BCL9: variants seen among roughly 807,000 people sequenced by gnomAD.
BCL9 encodes B-cell CLL/lymphoma 9 protein.
In BCL9, 25 loss-of-function variants were observed where a neutral mutation model predicts 88.5. The ratio of observed to expected loss-of-function variants is 0.28; its 90% CI spans 0.21 to 0.39. BCL9 has a LOEUF of 0.39. Among genes scored for constraint, BCL9 ranks in the 10% least tolerant of loss-of-function variants. The probability of loss-of-function intolerance (pLI) is 1.00; values close to 1 mark genes in which losing one functional copy is unlikely to be tolerated. For synonymous variants in BCL9, 711 were observed against 673.3 expected, an observed-to-expected ratio of 1.06 and a Z score of -0.87; for missense variants, 1,817 against 1,877.8, an observed-to-expected ratio of 0.97 and a Z score of 0.60.
At chr1:147,574,973 T>C (rs1553197910) in intron 1 of BCL9, among the ~76,000 whole-genome samples, 1 of 152,214 alleles carries the variant, frequency 6.6e-6, no homozygotes, top group Non-Finnish European at 1.5e-5. Flanking sequence ...AAGTATATGG[T>C]TGAGGGGCCA....
chr1:147,588,530 G>A (rs587644605), intron 1 of BCL9, among the ~76,000 whole-genome samples: 1 of 152,268 alleles, frequency 6.6e-6, no homozygotes, highest in African/African-American at 2.4e-5. Flanking sequence ...TCAGACTATG[G>A]GAGAAAGAGA....
chr1:147,557,072 C>T (rs1655149119), intron 1 of BCL9, among the ~76,000 whole-genome samples: 1 of 152,158 alleles, frequency 6.6e-6, no homozygotes, highest in Non-Finnish European at 1.5e-5. Context: ...GAGACAGAGA[C>T]AGATCTAGCA....
At chr1:147,570,818 A>T (rs1655853500) in intron 1 of BCL9, among the ~76,000 whole-genome samples, 1 of 151,754 alleles carries the variant, frequency 6.6e-6, no homozygotes, top group South Asian at 2.1e-4. Flanking sequence ...TATTTTCAGT[A>T]GAGATGGGGT....
intron 1 of BCL9, among the ~76,000 whole-genome samples, chr1:147,549,189 C>T (rs1262582810): frequency 1.3e-5 from 2 of 152,008 alleles, no homozygotes; most frequent in African/African-American, 4.8e-5. Context: ...GTTGGCCAGG[C>T]TGGTCTTGAA....
chr1:147,612,278 A>G (rs782074607), intron 4 of BCL9, among the ~76,000 whole-genome samples: 4 of 152,184 alleles, frequency 2.6e-5, no homozygotes, highest in Non-Finnish European at 5.9e-5. Flanking sequence ...CCACTGTGAC[A>G]CTTTTTCCTC....
intron 1 of BCL9, among the ~76,000 whole-genome samples, chr1:147,591,920 C>T (rs984292850): frequency 4.6e-5 from 7 of 152,186 alleles, no homozygotes; most frequent in Non-Finnish European, 7.3e-5. Flanking sequence ...GTAGTTGTTT[C>T]CTCAACTGGA....
intron 1 of BCL9, among the ~76,000 whole-genome samples, chr1:147,561,955 G>A (rs1655395548): frequency 6.6e-6 from 1 of 152,210 alleles, no homozygotes; most frequent in Non-Finnish European, 1.5e-5. Flanking sequence ...CATGTTCTGA[G>A]AAGAGGAAGT....
chr1:147,611,685 G>A lies in BCL9; in HGVS notation c.-152G>A, dbSNP rs1658009866. On this transcript the variant is annotated 5_prime_UTR_variant, in exon 4 of 10. Coordinates refer to ENST00000234739, the MANE Select transcript of BCL9 (RefSeq NM_004326.4). Reference sequence around the variant, plus strand: ...CACTTCCACAGCAGAGAAAAACAAAGAGGAAAAAGGCATACAGGCAGCGAG... The same window carrying A: ...CACTTCCACAGCAGAGAAAAACAAAAAGGAAAAAGGCATACAGGCAGCGAG... 1.5e-6 allele frequency: 1 copy of A among 661,698 alleles called. No homozygotes were observed. Among genetic ancestry groups the A allele is most frequent in the Non-Finnish European group, 2.7e-6 (1 of 373,362 alleles). 41.0% of individuals were successfully genotyped at this position (661,698 alleles called of 1,614,324 possible). A position where few individuals can be genotyped will look rare whatever the true frequency, so the allele number is the denominator to read the frequency against.
intron 3 of BCL9, among the ~76,000 whole-genome samples, chr1:147,609,516 C>T (rs1019030794): frequency 2.6e-5 from 4 of 152,222 alleles, no homozygotes; most frequent in Non-Finnish European, 4.4e-5. Flanking sequence ...GCCATTCACA[C>T]CCCATGTGCT....
At chr1:147,565,586 T>C (rs1202949113) in intron 1 of BCL9, among the ~76,000 whole-genome samples, 1 of 152,218 alleles carries the variant, frequency 6.6e-6, no homozygotes, top group Non-Finnish European at 1.5e-5. Flanking sequence ...CCTAGAAGGC[T>C]GGCTGCTTTG....
chr1:147,615,688 T>C, intron 6 of BCL9, 115 bp from the exon 7 acceptor site: 1 of 652,392 alleles, frequency 1.5e-6, no homozygotes, highest in Non-Finnish European at 2.6e-6. Context: ...TTCTGGTGGT[T>C]CTTTCTATTC....
intron 1 of BCL9, among the ~76,000 whole-genome samples, chr1:147,547,168 G>A (rs1412205967): frequency 3.9e-5 from 6 of 152,056 alleles, no homozygotes; most frequent in Non-Finnish European, 7.4e-5. Flanking sequence ...AAGACTTGCT[G>A]ATATGTTACG....
chr1:147,601,735 C>T (rs587611580), intron 1 of BCL9, among the ~76,000 whole-genome samples: 1 of 152,278 alleles, frequency 6.6e-6, no homozygotes, highest in Admixed American at 6.5e-5. Context: ...GAAAGACATC[C>T]TTATTCACTA....
At position 147,613,000 on chromosome 1, in the gene BCL9, C is replaced by G; in HGVS notation, c.171C>G (p.Ser57Arg). ...AGGGTAAACAGGGGGGCTCAGCCAG[C>G]CAATCCCAGCCATCCCCCTGTGACT... ...SNQGKQGGSA[S>R]QSQPSPCDSK... The change falls in exon 5 of 10, where the codon AGC becomes AGG. Residue 57 changes from serine (S) to arginine (R), a missense_variant. Transcript: ENST00000234739. 1 of 1,604,066 alleles carries G rather than the reference C, an allele frequency of 6.2e-7. No individual in the cohort carries two copies. Among genetic ancestry groups the G allele is most frequent in the Non-Finnish European group, 8.5e-7 (1 of 1,175,370 alleles).
intron 1 of BCL9, among the ~76,000 whole-genome samples, chr1:147,573,337 C>T (rs1655967280): frequency 6.6e-6 from 1 of 152,130 alleles, no homozygotes; most frequent in African/African-American, 2.4e-5. Flanking sequence ...CCTGTAATCC[C>T]AGCTACTCGG....
In BCL9 at chr1:147,620,607, C is replaced by A. The variant is rs1452840567; in HGVS notation, c.2452C>A (p.Pro818Thr). The part of the protein sequence containing the change: ...QRTNSRLSHM[P>T]PLPLNPSSNP... Reference sequence around the variant, plus strand: ...GACTAACAGCCGGCTCAGTCATATGCCACCACTACCTCTCAACCCTTCCAG... The same window carrying A: ...GACTAACAGCCGGCTCAGTCATATGACACCACTACCTCTCAACCCTTCCAG... Residue 818 changes from proline to threonine, a missense_variant, in exon 8 of 10, where the codon CCA becomes ACA. By Grantham distance (38) the Pro-to-Thr change is conservative. Coordinates refer to ENST00000234739, the MANE Select transcript of BCL9 (RefSeq NM_004326.4). 6.2e-7 allele frequency: 1 copy of A among 1,614,066 alleles called. No individual in the cohort carries two copies. Among genetic ancestry groups the A allele is most frequent in the Non-Finnish European group, 8.5e-7 (1 of 1,180,040 alleles).
At chr1:147,576,336 A>G (rs961836903) in intron 1 of BCL9, among the ~76,000 whole-genome samples, 28 of 152,182 alleles carry the variant, frequency 1.8e-4, no homozygotes, top group African/African-American at 6.3e-4. Flanking sequence ...AGTTTTGCAT[A>G]TCTTTCTGGA....
intron 1 of BCL9, among the ~76,000 whole-genome samples, chr1:147,590,518 G>A (rs1157138333): frequency 6.6e-6 from 1 of 152,080 alleles, no homozygotes; most frequent in African/African-American, 2.4e-5. Flanking sequence ...CTTCCTTCCT[G>A]TAGCTGCAGA....
At position 147,618,993 on chromosome 1, in the gene BCL9, G is replaced by A. The variant is rs782420930; in HGVS notation, c.838G>A (p.Gly280Arg). The change falls in exon 8 of 10, where the codon GGG (glycine) becomes AGG (arginine). Residue 280 changes from glycine to arginine, a missense_variant. This residue lies in a region of BCL9 where 1,228 missense variants were observed against 1,191.6 expected (regional missense o/e 1.03). Transcript: ENST00000234739. ...PPRPLDRESP[G>R]VENKLIPSVG... is the part of the protein sequence containing the mutation. The stretch of plus-strand genomic sequence containing the variant: ...ACGTCCCCTGGACCGGGAGAGTCCT[G>A]GGGTAGAAAACAAACTGATTCCTTC... 6.2e-7 allele frequency: 1 copy of A among 1,612,012 alleles called. No homozygotes were observed. Among genetic ancestry groups the A allele is most frequent in the Admixed American group, 1.7e-5 (1 of 59,774 alleles).
Sources: gnomAD v4.1 joint callset for allele counts (sites outside exome capture counted in the v4.1 genomes callset) on GRCh38, gnomAD v4.1.1 for gene constraint, gnomAD v4.1.1 regional missense constraint, MANE v1.5 for transcripts, NCBI Gene and HGNC (gene_info 2026-07-23, HGNC 2026-07-21) for gene names.